Variants in SLMAP observed in about 807,000 individuals in gnomAD.
SLMAP encodes sarcolemma associated protein.
In SLMAP, 44 loss-of-function variants were observed where a neutral mutation model predicts 128.8. The observed-to-expected ratio is 0.34, with a 90% CI of 0.27 to 0.44. The LOEUF is 0.44. Among genes scored for constraint, SLMAP ranks in the 20% least tolerant of loss-of-function variants. SLMAP has a pLI of 1.00. For synonymous variants in SLMAP, 327 were observed against 348.8 expected, an observed-to-expected ratio of 0.94 and a Z score of 0.70; for missense variants, 787 against 985.3, an observed-to-expected ratio of 0.80 and a Z score of 2.69.
At chr3:57,882,904 A>C (rs1362956100) in intron 14 of SLMAP, among the ~76,000 whole-genome samples, 1 of 152,168 alleles carries the variant, frequency 6.6e-6, no homozygotes, top group African/African-American at 2.4e-5. Context: ...ATTTGTGTTT[A>C]TACTATTTTA....
At chr3:57,853,545 C>CATTT (rs1274762015) in intron 6 of SLMAP, among the ~76,000 whole-genome samples, 4 of 152,082 alleles carry the variant, frequency 2.6e-5, no homozygotes, top group Non-Finnish European at 5.9e-5. Context: ...GTGCTATGAG[C>CATTT]ATTTCACCTT....
intron 2 of SLMAP, chr3:57,799,943 A>G (rs2087804753): frequency 6.6e-6 from 1 of 152,146 alleles, no homozygotes; most frequent in Non-Finnish European, 1.5e-5. Context: ...AGGCTATGGC[A>G]GGGGGATTGC....
At chr3:57,831,066 G>T (rs1466492577) in intron 2 of SLMAP, among the ~76,000 whole-genome samples, 1 of 152,068 alleles carries the variant, frequency 6.6e-6, no homozygotes, top group Non-Finnish European at 1.5e-5. Context: ...CATGTTTTTA[G>T]TTCTCTTGGA....
At chr3:57,786,789 A>G (rs1291333136) in intron 2 of SLMAP, among the ~76,000 whole-genome samples, 29 of 143,058 alleles carry the variant, frequency 2.0e-4, no homozygotes, top group Non-Finnish European at 2.1e-4. Context: ...GCTGGAGTGC[A>G]GTGGTGTGAT....
At chr3:57,823,790 G>A (rs867300027) in intron 2 of SLMAP, among the ~76,000 whole-genome samples, 12 of 151,976 alleles carry the variant, frequency 7.9e-5, no homozygotes, top group East Asian at 3.9e-4. Flanking sequence ...CTGAGGAATC[G>A]CCACACTGAC....
At chr3:57,921,543 T>G (rs971354150) in intron 22 of SLMAP, among the ~76,000 whole-genome samples, 2 of 151,936 alleles carry the variant, frequency 1.3e-5, no homozygotes, top group Non-Finnish European at 2.9e-5. Flanking sequence ...GGAGAATCAC[T>G]TGAACCTGGG....
intron 4 of SLMAP, among the ~76,000 whole-genome samples, chr3:57,846,974 G>A (rs1157911530): frequency 6.6e-6 from 1 of 152,080 alleles, no homozygotes; most frequent in Non-Finnish European, 1.5e-5. Context: ...TTTGGATTTG[G>A]AATTTGTTTT....
intron 2 of SLMAP, among the ~76,000 whole-genome samples, chr3:57,806,470 C>T (rs954578631): frequency 6.6e-6 from 1 of 151,954 alleles, no homozygotes; most frequent in Admixed American, 6.6e-5. Flanking sequence ...CAGAGTCTTG[C>T]TCTGTCACCC....
At chr3:57,911,975 G>T (rs1296634110) in intron 19 of SLMAP, among the ~76,000 whole-genome samples, 1 of 126,190 alleles carries the variant, frequency 7.9e-6, no homozygotes, top group African/African-American at 3.0e-5. Flanking sequence ...TTTAAACACT[G>T]AACAGCCTAA....
intron 24 of SLMAP, 79 bp from the exon 25 acceptor site, chr3:57,927,217 C>A: frequency 2.6e-6 from 2 of 775,430 alleles, no homozygotes; most frequent in Non-Finnish European, 2.1e-6. Flanking sequence ...GTATTCAGGA[C>A]TCTCTGGAAC....
intron 22 of SLMAP, among the ~76,000 whole-genome samples, chr3:57,922,253 C>T (rs529796864): frequency 3.9e-5 from 6 of 152,218 alleles, no homozygotes; most frequent in Admixed American, 1.3e-4. Flanking sequence ...TTTTTCTTCA[C>T]CTACTTTTCT....
chr3:57,911,659 A>G (rs1332528059), intron 19 of SLMAP, among the ~76,000 whole-genome samples: 1 of 152,198 alleles, frequency 6.6e-6, no homozygotes, highest in Non-Finnish European at 1.5e-5. Flanking sequence ...CAAATGCCCT[A>G]CACACATGAG....
chr3:57,777,126 C>A (rs1296927287), intron 2 of SLMAP, among the ~76,000 whole-genome samples: 1 of 150,320 alleles, frequency 6.7e-6, no homozygotes, highest in East Asian at 2.0e-4. Context: ...GGAGGGATAG[C>A]ATTAGGATAT....
intron 2 of SLMAP, among the ~76,000 whole-genome samples, chr3:57,793,802 G>C (rs920583245): frequency 1.7e-4 from 25 of 151,324 alleles, no homozygotes; most frequent in Non-Finnish European, 1.6e-4. Context: ...ACTCATGCCT[G>C]TAATCCCAAC....
chr3:57,871,617 G>A lies in SLMAP; in HGVS notation c.1238-19G>A, dbSNP rs552600565. On this transcript the variant is annotated intron_variant, in intron 13 of 24. Transcript: ENST00000671191. ...ACAGCAACAAACTATATCCTTAAAG[G>A]TGTTTCTTTCTTTATTAGAGCACTT... 6 of 1,600,546 alleles carry A rather than the reference G, an allele frequency of 3.7e-6. No individual in the cohort carries two copies. Among genetic ancestry groups the A allele is most frequent in the South Asian group, 3.3e-5 (3 of 90,564 alleles).
At chr3:57,919,835 T>A (rs1322069761) in intron 22 of SLMAP, among the ~76,000 whole-genome samples, 1 of 150,966 alleles carries the variant, frequency 6.6e-6, no homozygotes, top group African/African-American at 2.4e-5. Flanking sequence ...GAGCACACAG[T>A]CCACCCTGCA....
intron 2 of SLMAP, among the ~76,000 whole-genome samples, chr3:57,803,169 GAAAAATGAC>G (rs2088983792): frequency 6.6e-6 from 1 of 151,982 alleles, no homozygotes; most frequent in South Asian, 2.1e-4. Flanking sequence ...TTGATTCCAT[GAAAAATGAC>G]AAAAATGGAA....
intron 10 of SLMAP, among the ~76,000 whole-genome samples, chr3:57,863,317 C>A (rs570076228): frequency 6.6e-6 from 1 of 152,228 alleles, no homozygotes; most frequent in South Asian, 2.1e-4. Context: ...TTGTGAAGGT[C>A]CATCTTGGTT....
intron 22 of SLMAP, among the ~76,000 whole-genome samples, chr3:57,921,738 T>C (rs887442969): frequency 6.6e-6 from 1 of 152,236 alleles, no homozygotes; most frequent in Non-Finnish European, 1.5e-5. Context: ...GGAGTTTTGC[T>C]TTTGTTGCCT....
Sources: gnomAD v4.1 joint callset for allele counts (sites outside exome capture counted in the v4.1 genomes callset) on GRCh38, gnomAD v4.1.1 for gene constraint, MANE v1.5 for transcripts, NCBI Gene and HGNC (gene_info 2026-07-23, HGNC 2026-07-21) for gene names.